Variants in SPOCK1 observed in about 807,000 individuals in gnomAD.
SPOCK1 encodes the protein SPARC (osteonectin), cwcv and kazal like domains proteoglycan 1, also known as testican-1.
In SPOCK1, 23 loss-of-function variants were observed where a neutral mutation model predicts 55.3. The ratio of observed to expected loss-of-function variants is 0.42; its 90% CI spans 0.30 to 0.59. The LOEUF (loss-of-function observed/expected upper bound fraction) is 0.59, where lower values mean the gene tolerates loss of function less well. Among genes scored for constraint, SPOCK1 ranks in the 20% least tolerant of loss-of-function variants. The pLI, the probability that SPOCK1 is intolerant of heterozygous loss-of-function variation, is 0.22. For missense variants in SPOCK1, 499 were observed against 552.5 expected, an observed-to-expected ratio of 0.90 and a Z score of 0.97; for synonymous variants, 226 against 221.0, an observed-to-expected ratio of 1.02 and a Z score of -0.20.
intron 6 of SPOCK1, among the ~76,000 whole-genome samples, chr5:137,042,973 A>C (rs1752029581): frequency 6.6e-6 from 1 of 152,122 alleles, no homozygotes; most frequent in Non-Finnish European, 1.5e-5. Flanking sequence ...GAGTGCTAGG[A>C]TCTTGGTTTC....
At chr5:137,051,083 T>A (rs1752198521) in intron 6 of SPOCK1, among the ~76,000 whole-genome samples, 1 of 152,220 alleles carries the variant, frequency 6.6e-6, no homozygotes. Flanking sequence ...TAGATAAGAA[T>A]ACCCATGAAA....
intron 2 of SPOCK1, among the ~76,000 whole-genome samples, chr5:137,347,667 A>G (rs1750588877): frequency 6.6e-6 from 1 of 152,174 alleles, no homozygotes; most frequent in African/African-American, 2.4e-5. Flanking sequence ...CAGTGAGCCA[A>G]GATGGCACTG....
At chr5:137,206,145 C>T (rs1470161987) in intron 3 of SPOCK1, among the ~76,000 whole-genome samples, 2 of 152,228 alleles carry the variant, frequency 1.3e-5, no homozygotes, top group African/African-American at 2.4e-5. Context: ...GCTCAAAAAC[C>T]TACTTAACAT....
At chr5:137,336,240 CT>C (rs1295116810) in intron 2 of SPOCK1, among the ~76,000 whole-genome samples, 2 of 152,136 alleles carry the variant, frequency 1.3e-5, no homozygotes, top group African/African-American at 4.8e-5. Context: ...AAGAGGAAAG[CT>C]TGAGGGTGGT....
intron 4 of SPOCK1, among the ~76,000 whole-genome samples, chr5:137,137,584 C>T (rs1292300699): frequency 2.6e-5 from 4 of 152,212 alleles, no homozygotes; most frequent in Non-Finnish European, 4.4e-5. Flanking sequence ...ACCATCTCAG[C>T]CAGTGCCTCC....
intron 2 of SPOCK1, among the ~76,000 whole-genome samples, chr5:137,303,253 T>C (rs1757637550): frequency 6.6e-6 from 1 of 152,142 alleles, no homozygotes; most frequent in Non-Finnish European, 1.5e-5. Context: ...ACAGAATGCC[T>C]ATGACATGTG....
At chr5:137,333,891 A>G (rs1322906471) in intron 2 of SPOCK1, among the ~76,000 whole-genome samples, 4 of 152,162 alleles carry the variant, frequency 2.6e-5, no homozygotes, top group African/African-American at 7.2e-5. Flanking sequence ...GACCTCTACT[A>G]CTACTTAACA....
At chr5:137,461,663 G>A (rs145003096) in intron 2 of SPOCK1, among the ~76,000 whole-genome samples, 10 of 152,264 alleles carry the variant, frequency 6.6e-5, no homozygotes, top group African/African-American at 2.4e-4. Context: ...CCGTCTCTGG[G>A]CTCTAATGAG....
chr5:137,498,639 C>CAGCCCGGAGGCGGGG (rs1754361623), intron 1 of SPOCK1, 81 bp from the exon 2 acceptor site: 1 of 1,160,580 alleles, frequency 8.6e-7, no homozygotes, highest in South Asian at 4.2e-5. Flanking sequence ...CCCAGCGCCC[C>CAGCCCGGAGGCGGGG]AGCCCGGAGG....
At chr5:137,414,307 A>C (rs1274049154) in intron 2 of SPOCK1, among the ~76,000 whole-genome samples, 1 of 152,198 alleles carries the variant, frequency 6.6e-6, no homozygotes, top group Admixed American at 6.5e-5. Context: ...GAGAGTGACC[A>C]GACATGCCTG....
chr5:137,248,886 C>A (rs1037727448), intron 3 of SPOCK1, among the ~76,000 whole-genome samples: 1 of 152,212 alleles, frequency 6.6e-6, no homozygotes, highest in African/African-American at 2.4e-5. Context: ...CCTTTCCCAT[C>A]TGAGAATCTT....
At chr5:137,133,292 C>A (rs1753917944) in intron 4 of SPOCK1, among the ~76,000 whole-genome samples, 1 of 151,874 alleles carries the variant, frequency 6.6e-6, no homozygotes. Flanking sequence ...ATTGCTCAAA[C>A]CCAGGAGGCG....
At chr5:137,463,699 C>A (rs536998254) in intron 2 of SPOCK1, among the ~76,000 whole-genome samples, 1 of 152,270 alleles carries the variant, frequency 6.6e-6, no homozygotes, top group Non-Finnish European at 1.5e-5. Context: ...CCTGTAATCC[C>A]AGCACTTTGA....
Position 137,462,254 on chromosome 5 carries a change from C to A in SPOCK1, c.186+36119G>T, listed in dbSNP as rs78344259. 7.2e-3 allele frequency among the ~76,000 whole-genome samples: 1,091 copies of A among 152,306 alleles called. 10 individuals are homozygous for A. Among genetic ancestry groups the A allele is most frequent in the African/African-American group, 0.025 (1,032 of 41,554 alleles). On this transcript the variant is annotated intron_variant, in intron 2 of 10. Coordinates refer to ENST00000394945, the MANE Select transcript of SPOCK1 (RefSeq NM_004598.4). ...CCCATTGTTTCTAGCATGCACATTT[C>A]TCCTTGACAGCCAGGATCCAGAAAG...
At chr5:137,308,675 C>G (rs1013483400) in intron 2 of SPOCK1, among the ~76,000 whole-genome samples, 1 of 152,190 alleles carries the variant, frequency 6.6e-6, no homozygotes, top group Non-Finnish European at 1.5e-5. Flanking sequence ...CTTTCATCTC[C>G]TGTGTAACCA....
intron 2 of SPOCK1, among the ~76,000 whole-genome samples, chr5:137,417,800 ATGTTT>A (rs1752374803): frequency 1.3e-5 from 2 of 151,498 alleles, no homozygotes; most frequent in South Asian, 2.1e-4. Flanking sequence ...GTCAGTTTTT[ATGTTT>A]TATTTTCTTT....
At chr5:137,381,573 C>G (rs1751466225) in intron 2 of SPOCK1, among the ~76,000 whole-genome samples, 2 of 152,222 alleles carry the variant, frequency 1.3e-5, no homozygotes, top group African/African-American at 4.8e-5. Flanking sequence ...ACAAGCCCAA[C>G]ACCACATGGA....
At chr5:137,169,636 G>A (rs1269754283) in intron 3 of SPOCK1, among the ~76,000 whole-genome samples, 1 of 152,100 alleles carries the variant, frequency 6.6e-6, no homozygotes, top group African/African-American at 2.4e-5. Context: ...TACTTTACCG[G>A]TAAACCTCAT....
chr5:137,352,351 C>A (rs1240489113), intron 2 of SPOCK1, among the ~76,000 whole-genome samples: 3 of 152,384 alleles, frequency 2.0e-5, no homozygotes, highest in Non-Finnish European at 1.5e-5. Flanking sequence ...GCCCTTTAAA[C>A]AGTCAACTAT....
Sources: allele counts gnomAD v4.1 joint callset (sites outside exome capture counted in the v4.1 genomes callset), GRCh38; gene constraint gnomAD v4.1.1; transcripts MANE v1.5; gene names NCBI Gene and HGNC (gene_info 2026-07-23, HGNC 2026-07-21).